The following HGS variants were observed in gnomAD, a reference collection of about 807,000 sequenced individuals.
HGS encodes the protein human growth factor-regulated tyrosine kinase substrate.
HGS carries 63 observed loss-of-function variants against 109.7 expected under a neutral mutation model. That is an observed-to-expected ratio of 0.57 (90% confidence interval 0.47 to 0.71). HGS has a LOEUF of 0.71. HGS is among the 30% of genes least tolerant of loss of function. The pLI, the probability that HGS is intolerant of heterozygous loss-of-function variation, is 0.00. For synonymous variants in HGS, 546 were observed against 437.3 expected (o/e 1.25, Z -3.10); for missense variants, 995 against 1,068.3 (o/e 0.93, Z 0.96).
At chr17:81,694,584 C>T (rs1385969130) in intron 11 of HGS, among the ~76,000 whole-genome samples, 2 of 152,228 alleles carry the variant, frequency 1.3e-5, no homozygotes, top group African/African-American at 2.4e-5. Context: ...CCTCCCATAG[C>T]AAGGTTAGGA....
intron 18 of HGS, among the ~76,000 whole-genome samples, chr17:81,700,255 GC>G (rs2037214461): frequency 6.6e-6 from 1 of 151,236 alleles, no homozygotes; most frequent in African/African-American, 2.4e-5. Flanking sequence ...CGTAATCCCA[GC>G]TACTCGGGAG....
Position 81,686,984 on chromosome 17 carries a change from C to T in HGS, c.199-19C>T, listed in dbSNP as rs759908544. ...GCCCTGACCACTGGCCCAACCCTTC[C>T]CTTCCTGGGCATCTGCAGGTCATGG... On this transcript the variant is annotated intron_variant, in intron 3 of 21. Coordinates refer to ENST00000329138, the MANE Select transcript of HGS (RefSeq NM_004712.5). 86 of 1,606,460 alleles carry T rather than the reference C, an allele frequency of 5.4e-5. No individual in the cohort carries two copies. Among genetic ancestry groups the T allele is most frequent in the Non-Finnish European group, 6.1e-5 (72 of 1,175,198 alleles).
At position 81,696,488 on chromosome 17, in the gene HGS, C is replaced by A; in HGVS notation, c.1525C>A (p.Gln509Lys). Residue 509 changes from glutamine to lysine, a missense_variant, in exon 16 of 22, where the codon CAG becomes AAG. Transcript: ENST00000329138. ...AEEAERQRQI[Q>K]LAQKLEIMRQ... ...GGAGGCAGAGCGCCAGCGCCAGATC[C>A]AGCTGGCCCAGAAGCTGGAGATAAT... 1 of 1,527,632 alleles carries A rather than the reference C, an allele frequency of 6.5e-7. No individual in the cohort carries two copies. Among genetic ancestry groups the A allele is most frequent in the Admixed American group, 2.1e-5 (1 of 47,610 alleles). 94.6% of individuals were successfully genotyped at this position (1,527,632 alleles called of 1,614,324 possible).
chr17:81,698,735 CTG>C (rs1427431117), intron 18 of HGS, among the ~76,000 whole-genome samples: 2 of 152,136 alleles, frequency 1.3e-5, no homozygotes, highest in African/African-American at 4.8e-5. Context: ...GTGGGTGCGT[CTG>C]TGTATGTGCG....
intron 1 of HGS, 29 bp from the exon 2 acceptor site, chr17:81,685,576 C>T (rs2036966199): frequency 6.4e-6 from 10 of 1,571,728 alleles, no homozygotes; most frequent in Middle Eastern, 1.7e-4. Flanking sequence ...CAGGATAACC[C>T]CTCCCTTTCA....
At chr17:81,687,782 T>G (rs2037002280) in intron 4 of HGS, among the ~76,000 whole-genome samples, 1 of 152,082 alleles carries the variant, frequency 6.6e-6, no homozygotes, top group Admixed American at 6.5e-5. Context: ...TGTCCCAACC[T>G]GTGGGCCAGA....
At position 81,696,831 on chromosome 17, in the gene HGS, C is replaced by A; in HGVS notation, c.1715C>A (p.Ala572Asp). Residue 572 changes from alanine to aspartate, a missense_variant, in exon 18 of 22, where the codon GCC (alanine) becomes GAC (aspartate). By Grantham distance (126) the Ala-to-Asp change is moderately radical. Around this residue, in one of 6 missense-constraint regions of HGS, gnomAD observed 326 missense variants for 309.7 expected, o/e 1.05. Coordinates refer to ENST00000329138, the MANE Select transcript of HGS (RefSeq NM_004712.5). ...TGTCTCTTTTGTCCCCAGCTCCAGG[C>A]CATGCCCGCAGCCGGAGGTGTGCTC... is the stretch of plus-strand genomic sequence containing the variant. Reference protein sequence around the residue: ...AFPLPYAQLQAMPAAGGVLYQ... With the variant: ...AFPLPYAQLQDMPAAGGVLYQ... 6.2e-7 allele frequency: 1 copy of A among 1,609,614 alleles called. No individual in the cohort carries two copies.
intron 3 of HGS, 112 bp from the exon 4 acceptor site, chr17:81,686,891 G>A: frequency 1.2e-6 from 1 of 820,180 alleles, no homozygotes; most frequent in Non-Finnish European, 2.0e-6. Flanking sequence ...ACCGGCCACT[G>A]ACGGGCCTGT....
chr17:81,694,759 C>T, intron 11 of HGS, 56 bp from the exon 12 acceptor site: 7 of 1,611,110 alleles, frequency 4.3e-6, no homozygotes, highest in Non-Finnish European at 5.9e-6. Context: ...ATCCCTGTCC[C>T]TGCCGAAGCA....
At chr17:81,690,301 G>A in intron 6 of HGS, 67 bp downstream of exon 6, 1 of 1,523,558 alleles carries the variant, frequency 6.6e-7, no homozygotes, top group Non-Finnish European at 9.1e-7. Flanking sequence ...GGGAGTGCTG[G>A]GAGCCCGGCT....
intron 2 of HGS, 190 bp from the exon 3 acceptor site, chr17:81,686,122 G>T (rs2036975879): frequency 1.7e-6 from 1 of 581,604 alleles, no homozygotes; most frequent in Non-Finnish European, 3.1e-6. Context: ...GTAGAGATGG[G>T]TTTTTGCCGT....
rs1417903658 is a variant in HGS, at chr17:81,696,160, A to ACCCTG, written c.1393+163_1393+164insCTGCC. The ACCCTG allele has an allele frequency of 1.6e-5, 13 of 819,440 alleles. 1 individual carries two copies. The East Asian group carries it at 3.4e-4, about 21-fold the overall frequency. The allele number at this position is 819,440 out of a possible 1,614,324, so 50.8% of individuals were successfully genotyped here. ...TCAACAGGAGGTGGTCTCAGTGATG[A>ACCCTG]CCATGCCCTGCCCTGCCCTGCCCTG... On this transcript the variant is annotated intron_variant, in intron 15 of 21. Coordinates refer to ENST00000329138, the MANE Select transcript of HGS (RefSeq NM_004712.5).
chr17:81,693,358 G>C (rs1182313970), intron 8 of HGS, 145 bp from the exon 9 acceptor site: 1 of 668,382 alleles, frequency 1.5e-6, no homozygotes, highest in Non-Finnish European at 2.7e-6. Flanking sequence ...CTGGAGTGTG[G>C]CCATTCGGAC....
intron 15 of HGS, 114 bp downstream of exon 15, chr17:81,696,113 C>A: frequency 1.0e-6 from 1 of 1,001,680 alleles, no homozygotes; most frequent in Non-Finnish European, 1.4e-6. Flanking sequence ...TTCATTGGGG[C>A]CGTGGCTTCC....
chr17:81,690,356 G>A (rs544419871), intron 6 of HGS, 122 bp downstream of exon 6: 3 of 1,024,340 alleles, frequency 2.9e-6, no homozygotes, highest in East Asian at 2.4e-5. Flanking sequence ...TGGGACCTGA[G>A]GATGCCTGTG....
Position 81,693,932 on chromosome 17 carries a change from G to A in HGS, c.903G>A (p.Ala301=), listed in dbSNP as rs751154800. 15 of 1,610,902 alleles carry A rather than the reference G, an allele frequency of 9.3e-6. No homozygotes were observed. Among genetic ancestry groups the A allele is most frequent in the South Asian group, 2.2e-5 (2 of 91,016 alleles). The change falls in exon 11 of 22, where the codon GCG becomes GCA. Residue 301 remains alanine, a synonymous_variant. Coordinates refer to ENST00000329138, the MANE Select transcript of HGS (RefSeq NM_004712.5). The part of the protein sequence containing the change: ...KAEPMPSASS[A]PPASSLYSSP... ...AGCCCATGCCCTCGGCCTCCTCAGCGCCCCCCGCCAGCAGCCTGTACTCTT... is the reference window on the plus strand; with the variant it reads ...AGCCCATGCCCTCGGCCTCCTCAGCACCCCCCGCCAGCAGCCTGTACTCTT...
intron 1 of HGS, 26 bp from the exon 2 acceptor site, chr17:81,685,579 C>G (rs1447489022): frequency 1.3e-6 from 2 of 1,581,144 alleles, no homozygotes; most frequent in African/African-American, 1.3e-5. Flanking sequence ...GATAACCCCT[C>G]CCTTTCATGG....
In HGS at chr17:81,701,092, G is replaced by A. The variant is rs756383059; in HGVS notation, c.2184G>A (p.Gln728=). The A allele has an allele frequency of 8.7e-6, 14 of 1,613,892 alleles. No homozygotes were observed. The highest frequency in any genetic ancestry group is 4.0e-5 in the African/African-American group (3 of 74,938). ...GCCAGGATGCGTCTCTGCCACCCCAGCAGCCCTACATCGCGGGGCAGCAGC... is the reference window on the plus strand; with the variant it reads ...GCCAGGATGCGTCTCTGCCACCCCAACAGCCCTACATCGCGGGGCAGCAGC... ...LPSQDASLPP[Q]QPYIAGQQPM... The change falls in exon 21 of 22, where the codon CAG becomes CAA. Residue 728 remains glutamine, a synonymous_variant. Transcript: ENST00000329138.
intron 14 of HGS, chr17:81,695,557 G>C: frequency 1.7e-6 from 1 of 602,348 alleles, no homozygotes; most frequent in Admixed American, 3.0e-5. Context: ...TGGAGAGGGA[G>C]CTGGCAGTGG....
Sources: allele counts gnomAD v4.1 joint callset (sites outside exome capture counted in the v4.1 genomes callset), GRCh38; gene constraint gnomAD v4.1.1; regional missense constraint gnomAD v4.1.1; transcripts MANE v1.5; gene names NCBI Gene and HGNC (gene_info 2026-07-23, HGNC 2026-07-21).